Variants in DHX35 observed in about 807,000 individuals in gnomAD.
DHX35 encodes the protein DEAH-box helicase 35.
In DHX35, 84 loss-of-function variants were observed where a neutral mutation model predicts 99.6. The ratio of observed to expected loss-of-function variants is 0.84; its 90% CI spans 0.71 to 1.01. The LOEUF is 1.01. Ranked by LOEUF, DHX35 falls within the 50% of genes least tolerant of loss-of-function variation. The pLI is 0.00. For synonymous variants in DHX35, 331 were observed against 316.2 expected, an observed-to-expected ratio of 1.05 and a Z score of -0.50; for missense variants, 852 against 888.5, an observed-to-expected ratio of 0.96 and a Z score of 0.52.
intron 3 of DHX35, chr20:38,977,985 T>C (rs1469866073): frequency 1.5e-6 from 1 of 683,780 alleles, no homozygotes; most frequent in Non-Finnish European, 2.7e-6. Context: ...TGCTACCACC[T>C]CCAGGGGCAG....
intron 15 of DHX35, among the ~76,000 whole-genome samples, chr20:39,019,362 C>T (rs569197151): frequency 3.3e-5 from 5 of 152,052 alleles, no homozygotes; most frequent in African/African-American, 9.7e-5. Context: ...ATTTTTAAGG[C>T]GGAATAGTAT....
At position 39,039,330 on chromosome 20, in the gene DHX35, A is replaced by G. The variant is rs1045749335; in HGVS notation, c.*787A>G. On this transcript the variant is annotated 3_prime_UTR_variant, in exon 22 of 22. Transcript: ENST00000252011. ...GGCCTCCTCTTTAGCAGGAATTCAC[A>G]ACAGTTTGGATGCCCTAAACTTCTG... 1 of 152,634 alleles carries G rather than the reference A, an allele frequency of 6.6e-6. No homozygotes were observed. The highest frequency in any genetic ancestry group is 1.5e-5 in the Non-Finnish European group (1 of 68,054). 9.5% of individuals were successfully genotyped at this position (152,634 alleles called of 1,614,324 possible). A position where few individuals can be genotyped will look rare whatever the true frequency, so the allele number is the denominator to read the frequency against.
chr20:39,021,272 C>G (rs1600437396), intron 15 of DHX35, among the ~76,000 whole-genome samples: 1 of 152,196 alleles, frequency 6.6e-6, no homozygotes, highest in African/African-American at 2.4e-5. Context: ...TGCCAGGATT[C>G]CAGATGTTCC....
At chr20:38,965,848 T>G (rs980587757) in intron 1 of DHX35, among the ~76,000 whole-genome samples, 3 of 152,214 alleles carry the variant, frequency 2.0e-5, no homozygotes, top group Non-Finnish European at 2.9e-5. Flanking sequence ...CCGAAGGGCC[T>G]GCCCATTTTC....
At chr20:38,962,486 A>C (rs1203269576) in intron 1 of DHX35, 79 bp downstream of exon 1, 8 of 1,542,968 alleles carry the variant, frequency 5.2e-6, no homozygotes, top group Non-Finnish European at 7.0e-6. Flanking sequence ...CCCTGGGGCC[A>C]GCAGACCTGC....
chr20:39,012,077 G>A (rs1437810460), intron 13 of DHX35, among the ~76,000 whole-genome samples: 10 of 152,196 alleles, frequency 6.6e-5, no homozygotes, highest in East Asian at 3.9e-4. Flanking sequence ...GTGAAACCCC[G>A]TCTCTACTAA....
intron 4 of DHX35, among the ~76,000 whole-genome samples, chr20:38,984,374 A>C (rs1365899854): frequency 6.6e-6 from 1 of 152,254 alleles, no homozygotes; most frequent in Non-Finnish European, 1.5e-5. Flanking sequence ...ATTTGTGAAC[A>C]TCATTCCAAG....
intron 7 of DHX35, among the ~76,000 whole-genome samples, chr20:38,993,685 C>CTTT (rs375593065): frequency 5.0e-5 from 7 of 141,350 alleles, no homozygotes; most frequent in South Asian, 4.5e-4. Flanking sequence ...TTTTTCTTTT[C>CTTT]TTTTTTTTTT....
chr20:38,963,930 C>G (rs1409047910), intron 1 of DHX35, among the ~76,000 whole-genome samples: 2 of 151,980 alleles, frequency 1.3e-5, no homozygotes, highest in East Asian at 3.8e-4. Flanking sequence ...ATGTCTACCA[C>G]TTACTAAGTT....
intron 1 of DHX35, among the ~76,000 whole-genome samples, chr20:38,964,436 C>CT (rs1193973308): frequency 6.3e-4 from 92 of 144,912 alleles, no homozygotes; most frequent in Middle Eastern, 3.5e-3. Context: ...TGTTTTCTTT[C>CT]TTTTTTTTTT....
chr20:39,033,416 G>C (rs1056309711), intron 20 of DHX35, among the ~76,000 whole-genome samples: 2 of 152,278 alleles, frequency 1.3e-5, no homozygotes, highest in East Asian at 3.9e-4. Context: ...GAGCCAGCCT[G>C]AAGCCATGCC....
rs556630902 is a variant in DHX35 at position 39,003,807 on chromosome 20, C to T, written c.911C>T (p.Thr304Ile). 1.9e-6 allele frequency: 3 copies of T among 1,614,086 alleles called. No homozygotes were observed. The highest frequency in any genetic ancestry group is 2.7e-5 in the African/African-American group (2 of 74,922). Residue 304 changes from threonine (T) to isoleucine (I), a missense_variant, in exon 11 of 22, where the codon ACT becomes ATT. Transcript: ENST00000252011. The stretch of plus-strand genomic sequence containing the variant: ...GAGCAGGCTCGAGCACTAGCTCGCA[C>T]TGGGATGAAGAGACACCTCCGAGTT... ...LIEQARALAR[T>I]GMKRHLRVLP...
intron 16 of DHX35, 74 bp downstream of exon 16, chr20:39,022,009 C>T: frequency 1.4e-6 from 2 of 1,424,960 alleles, no homozygotes; most frequent in Admixed American, 3.4e-5. Flanking sequence ...AAACTGTACT[C>T]AGGAACTGCT....
chr20:38,994,966 T>C lies in DHX35; in HGVS notation c.642+86T>C, dbSNP rs2086404307. ...TGGGAAGTTACCTCTAGCAAGAGCT[T>C]ATCTTTGGCAGAATGCCCTATCTTC... is the stretch of plus-strand genomic sequence containing the variant. On this transcript the variant is annotated intron_variant, in intron 8 of 21. Transcript: ENST00000252011. 4 of 1,186,600 alleles carry C rather than the reference T, an allele frequency of 3.4e-6. No individual in the cohort carries two copies. The East Asian group carries it at 9.5e-5, about 28-fold the overall frequency. The allele number at this position is 1,186,600 out of a possible 1,614,324, so 73.5% of individuals were successfully genotyped here.
At chr20:38,969,019 A>C (rs2145831717) in intron 1 of DHX35, 62 bp from the exon 2 acceptor site, 1 of 1,502,362 alleles carries the variant, frequency 6.7e-7, no homozygotes, top group Non-Finnish European at 8.9e-7. Flanking sequence ...AAGTTTATAA[A>C]CTTAACACCT....
chr20:39,017,224 C>T (rs914707453), intron 14 of DHX35, among the ~76,000 whole-genome samples: 2 of 152,106 alleles, frequency 1.3e-5, no homozygotes, highest in Admixed American at 1.3e-4. Context: ...AGGGGTCCAT[C>T]TTCATTCATT....
At chr20:39,003,708 A>G (rs756073965) in intron 10 of DHX35, 41 bp from the exon 11 acceptor site, 1 of 1,588,846 alleles carries the variant, frequency 6.3e-7, no homozygotes, top group South Asian at 1.1e-5. Context: ...CATGCTTTAA[A>G]TTGATCTCGG....
rs577086695 is a variant in DHX35, at chr20:39,025,370, AC to A, written c.1801+13del. ...GGAAGTCTAGTGAAGGTGAGAAGAA[AC>A]CGTCCCAGCTGGTGACCTCCCTTGC... On this transcript the variant is annotated intron_variant, in intron 18 of 21. Transcript: ENST00000252011. 2.4e-4 allele frequency: 384 copies of A among 1,612,076 alleles called. 5 individuals carry two copies. The South Asian group carries it at 4.1e-3, about 17-fold the overall frequency.
Position 39,021,940 on chromosome 20 carries a change from G to C in DHX35, c.1593+5G>C. On this transcript the variant is annotated splice_donor_5th_base_variant and intron_variant, in intron 16 of 21. Coordinates refer to ENST00000252011, the MANE Select transcript of DHX35 (RefSeq NM_021931.4). ...CCAAACCAGAAGTCTCACGCAGTAA[G>C]TCAGCTCTGTCCCCAGGCTGTCTGT... 1 of 1,614,042 alleles carries C rather than the reference G, an allele frequency of 6.2e-7. No individual in the cohort carries two copies. The highest frequency in any genetic ancestry group is 8.5e-7 in the Non-Finnish European group (1 of 1,179,886).
Sources: gnomAD v4.1 joint callset for allele counts (sites outside exome capture counted in the v4.1 genomes callset) on GRCh38, gnomAD v4.1.1 for gene constraint, MANE v1.5 for transcripts, NCBI Gene and HGNC (gene_info 2026-07-23, HGNC 2026-07-21) for gene names.